Variants in HSF2BP observed in about 807,000 individuals in gnomAD.
HSF2BP encodes the protein heat shock transcription factor 2 binding protein, also known as heat shock factor 2-binding protein.
HSF2BP carries 35 observed loss-of-function variants against 35.0 expected under a neutral mutation model. That is an observed-to-expected ratio of 1.00 (90% confidence interval 0.76 to 1.32). HSF2BP has a LOEUF of 1.32. HSF2BP is among the 40% of genes most tolerant of loss of function. The pLI is 0.00. For synonymous variants in HSF2BP, 114 were observed against 117.4 expected, an observed-to-expected ratio of 0.97 and a Z score of 0.18; for missense variants, 326 against 321.7, an observed-to-expected ratio of 1.01 and a Z score of -0.10.
chr21:43,592,037 A>G (rs547768958), intron 8 of HSF2BP, among the ~76,000 whole-genome samples, 188 bp downstream of exon 8: 2 of 152,306 alleles, frequency 1.3e-5, no homozygotes, highest in East Asian at 3.9e-4. Context: ...GATAACCTCT[A>G]TGCCTAATTA....
chr21:43,635,081 A>AC (rs1208709183), intron 4 of HSF2BP, among the ~76,000 whole-genome samples: 1 of 152,140 alleles, frequency 6.6e-6, no homozygotes, highest in African/African-American at 2.4e-5. Context: ...ATAATATCAA[A>AC]AAAAAAACAA....
intron 3 of HSF2BP, 78 bp from the exon 4 acceptor site, chr21:43,644,470 G>T (rs2082682468): frequency 8.9e-7 from 1 of 1,126,026 alleles, no homozygotes; most frequent in South Asian, 1.3e-5. Flanking sequence ...GCCCAGTCTT[G>T]ACTTAGTAAA....
intron 8 of HSF2BP, among the ~76,000 whole-genome samples, chr21:43,580,911 T>C (rs1439625960): frequency 6.6e-6 from 1 of 152,224 alleles, no homozygotes; most frequent in Non-Finnish European, 1.5e-5. Context: ...GAATATTCAC[T>C]AGTTACTAAA....
At chr21:43,593,177 A>T (rs2081947591) in intron 7 of HSF2BP, among the ~76,000 whole-genome samples, 1 of 152,214 alleles carries the variant, frequency 6.6e-6, no homozygotes, top group South Asian at 2.1e-4. Context: ...ACGCAGAGGG[A>T]CCGAGCGAAA....
chr21:43,647,846 T>C (rs966154664), intron 3 of HSF2BP, among the ~76,000 whole-genome samples: 12 of 151,236 alleles, frequency 7.9e-5, no homozygotes, highest in Non-Finnish European at 1.3e-4. Context: ...TGAGGACTGC[T>C]TGAACCTGGG....
intron 8 of HSF2BP, among the ~76,000 whole-genome samples, chr21:43,577,225 G>C (rs2081654737): frequency 1.3e-5 from 2 of 152,156 alleles, no homozygotes; most frequent in African/African-American, 4.8e-5. Context: ...GTGCTGGCAG[G>C]ATATGTTTTT....
At chr21:43,654,545 C>T (rs2082839533) in intron 3 of HSF2BP, among the ~76,000 whole-genome samples, 1 of 152,184 alleles carries the variant, frequency 6.6e-6, no homozygotes, top group Non-Finnish European at 1.5e-5. Flanking sequence ...ACATGCCCCA[C>T]AGTTTCTCGG....
intron 3 of HSF2BP, 79 bp from the exon 4 acceptor site, chr21:43,644,471 A>T: frequency 9.0e-7 from 1 of 1,107,722 alleles, no homozygotes; most frequent in Non-Finnish European, 1.4e-6. Flanking sequence ...CCCAGTCTTG[A>T]CTTAGTAAAA....
At chr21:43,640,688 G>A (rs1395933954) in intron 4 of HSF2BP, among the ~76,000 whole-genome samples, 1 of 152,100 alleles carries the variant, frequency 6.6e-6, no homozygotes, top group African/African-American at 2.4e-5. Flanking sequence ...AGGGAAAACC[G>A]GGTGAAGGGT....
intron 3 of HSF2BP, among the ~76,000 whole-genome samples, chr21:43,649,907 T>C (rs1198579691): frequency 6.6e-6 from 1 of 152,202 alleles, no homozygotes; most frequent in Non-Finnish European, 1.5e-5. Context: ...TCATATCAGT[T>C]TAATTAGAAA....
rs777360892 is a variant in HSF2BP, at chr21:43,592,245, A to C, written c.776T>G (p.Leu259Trp). Residue 259 changes from leucine to tryptophan, a missense_variant, in exon 8 of 9, where the codon TTG (leucine) becomes TGG (tryptophan). By Grantham distance (61) the Leu-to-Trp change is moderately conservative. Transcript: ENST00000291560. Reference protein sequence around the residue: ...YISESPGFIPLLWWLLSDPDA... With the variant: ...YISESPGFIPWLWWLLSDPDA... ...CTTACCACTCAAAAGCCACCACAGCAAAGGGATGAATCCTGGACTCTCGCT... is the reference window on the plus strand; with the variant it reads ...CTTACCACTCAAAAGCCACCACAGCCAAGGGATGAATCCTGGACTCTCGCT... 6 of 1,613,558 alleles carry C rather than the reference A, an allele frequency of 3.7e-6. No individual in the cohort carries two copies. Among genetic ancestry groups the C allele is most frequent in the Non-Finnish European group, 5.1e-6 (6 of 1,179,486 alleles).
At chr21:43,582,372 G>A (rs1251454223) in intron 8 of HSF2BP, among the ~76,000 whole-genome samples, 16 of 136,914 alleles carry the variant, frequency 1.2e-4, no homozygotes, top group Middle Eastern at 4.6e-3. Context: ...CTGCTGTGGG[G>A]GATGAGGGCC....
chr21:43,623,435 A>T (rs2082354068), intron 6 of HSF2BP, among the ~76,000 whole-genome samples: 1 of 152,158 alleles, frequency 6.6e-6, no homozygotes, highest in Admixed American at 6.5e-5. Context: ...AAAATACTAG[A>T]AGGAAAGAAA....
intron 2 of HSF2BP, 165 bp downstream of exon 2, chr21:43,657,896 C>G (rs1040715667): frequency 1.0e-5 from 10 of 985,374 alleles, no homozygotes; most frequent in Non-Finnish European, 1.1e-5. Flanking sequence ...CGCCCCAGGT[C>G]TCCACCCCGC....
intron 5 of HSF2BP, among the ~76,000 whole-genome samples, chr21:43,630,817 T>C (rs894289810): frequency 6.6e-6 from 1 of 152,064 alleles, no homozygotes; most frequent in Non-Finnish European, 1.5e-5. Context: ...GCATAACTTT[T>C]TTCAAAAAAA....
chr21:43,636,065 T>G (rs1030684883), intron 4 of HSF2BP, among the ~76,000 whole-genome samples: 4 of 151,526 alleles, frequency 2.6e-5, no homozygotes, highest in South Asian at 2.1e-4. Context: ...AAAAAAATTT[T>G]TTTTAAATAG....
intron 3 of HSF2BP, among the ~76,000 whole-genome samples, chr21:43,651,003 C>T (rs1328525507): frequency 1.3e-5 from 2 of 152,170 alleles, no homozygotes; most frequent in Admixed American, 6.5e-5. Flanking sequence ...CCACCGCACC[C>T]GGCCCGGTTT....
the HSF2BP span, among the ~76,000 whole-genome samples, chr21:43,495,362 AC>A: frequency 1.8e-5 from 1 of 56,578 alleles, no homozygotes; most frequent in Non-Finnish European, 3.7e-5. Flanking sequence ...GCAGGGCAGA[AC>A]CCCCCGCCCG....
chr21:43,467,528 C>T, the HSF2BP span, among the ~76,000 whole-genome samples: 20 of 138,676 alleles, frequency 1.4e-4, no homozygotes, highest in South Asian at 3.0e-3. Context: ...TGCCCTCTTC[C>T]TTCTCAAAAC....
Sources: gnomAD v4.1 joint callset for allele counts (sites outside exome capture counted in the v4.1 genomes callset) on GRCh38, gnomAD v4.1.1 for gene constraint, MANE v1.5 for transcripts, NCBI Gene and HGNC (gene_info 2026-07-23, HGNC 2026-07-21) for gene names.